Variants in ACSS3 observed in about 807,000 individuals in gnomAD.
ACSS3 encodes the protein acyl-CoA synthetase short-chain family member 3, mitochondrial.
ACSS3 carries 64 observed loss-of-function variants against 84.2 expected under a neutral mutation model. That is an observed-to-expected ratio of 0.76 (90% CI 0.62 to 0.94). The LOEUF (loss-of-function observed/expected upper bound fraction) is 0.94. ACSS3 is among the 40% of genes least tolerant of loss of function. The pLI, the probability that ACSS3 is intolerant of heterozygous loss-of-function variation, is 0.00. For missense variants in ACSS3, 815 were observed against 867.6 expected (o/e 0.94, Z 0.76); for synonymous variants, 317 against 310.1 (o/e 1.02, Z -0.23).
At chr12:81,183,233 G>A (rs937354123) in intron 8 of ACSS3, among the ~76,000 whole-genome samples, 3 of 152,158 alleles carry the variant, frequency 2.0e-5, no homozygotes, top group Non-Finnish European at 4.4e-5. Flanking sequence ...CTTTCTACAA[G>A]CGGCAAACAG....
At chr12:81,082,727 T>C (rs1881064434) in intron 1 of ACSS3, among the ~76,000 whole-genome samples, 1 of 152,202 alleles carries the variant, frequency 6.6e-6, no homozygotes, top group African/African-American at 2.4e-5. Context: ...AAAATGTAAA[T>C]TTCCTATTCC....
In ACSS3 at chr12:81,260,429, A is replaced by C. The variant is rs2035032949; in HGVS notation, c.*5507A>C. On this transcript the variant is annotated 3_prime_UTR_variant, in exon 16 of 16. Coordinates refer to ENST00000548058, the MANE Select transcript of ACSS3 (RefSeq NM_024560.4). ...TGAACATATTAAATAGTCATTTGTA[A>C]ATTAGTGAAGTGTTCATTTCCTGAA... 6.6e-6 allele frequency: 1 copy of C among 152,172 alleles called. No homozygotes were observed. The highest frequency in any genetic ancestry group is 6.5e-5 in the Admixed American group (1 of 15,268). The allele number at this position is 152,172 out of a possible 1,614,324, so 9.4% of individuals were successfully genotyped here. A position where few individuals can be genotyped will look rare whatever the true frequency, so the allele number is the denominator to read the frequency against.
At chr12:81,197,570 G>T (rs1282814634) in intron 8 of ACSS3, among the ~76,000 whole-genome samples, 1 of 152,056 alleles carries the variant, frequency 6.6e-6, no homozygotes, top group Non-Finnish European at 1.5e-5. Context: ...ATACTTGAGT[G>T]ATTTTTAATA....
intron 2 of ACSS3, among the ~76,000 whole-genome samples, chr12:81,122,581 C>T (rs1055413639): frequency 6.6e-6 from 1 of 152,016 alleles, no homozygotes; most frequent in Non-Finnish European, 1.5e-5. Context: ...AGGAATATAA[C>T]CTTATCTAGA....
rs200388083 is a variant in ACSS3 at position 81,174,779 on chromosome 12, T to C, written c.1099-9T>C. The C allele has an allele frequency of 8.8e-4, 1,418 of 1,608,808 alleles. 4 individuals carry two copies. Among genetic ancestry groups the C allele is most frequent in the Non-Finnish European group, 1.1e-3 (1,278 of 1,176,664 alleles). On this transcript the variant is annotated splice_polypyrimidine_tract_variant and intron_variant, in intron 7 of 15. Coordinates refer to ENST00000548058, the MANE Select transcript of ACSS3 (RefSeq NM_024560.4). Reference sequence around the variant, plus strand: ...TATCCAGTGACATTTTAAATGAATCTCATTGTAGGGGAAGCCTGTGGGAAC... The same window carrying C: ...TATCCAGTGACATTTTAAATGAATCCCATTGTAGGGGAAGCCTGTGGGAAC...
chr12:81,213,965 T>C (rs1360442594), intron 9 of ACSS3, among the ~76,000 whole-genome samples: 120 of 19,278 alleles, frequency 6.2e-3, no homozygotes, highest in Middle Eastern at 0.056. Flanking sequence ...CTCTCTTTCT[T>C]TCTTTCTTTC....
At position 81,152,070 on chromosome 12, in the gene ACSS3, C is replaced by T; in HGVS notation, c.1072C>T (p.His358Tyr). The stretch of plus-strand genomic sequence containing the variant: ...CTATATCTGCTATGGACCTCTTCTT[C>T]ATGGGAACACAACAGTTTTATATGA... ...HSYICYGPLL[H>Y]GNTTVLYEGK... Residue 358 changes from histidine (H) to tyrosine (Y), a missense_variant, in exon 7 of 16, where the codon CAT (histidine) becomes TAT (tyrosine). His to Tyr is a moderately conservative substitution (Grantham distance 83). Coordinates refer to ENST00000548058, the MANE Select transcript of ACSS3 (RefSeq NM_024560.4). 1 of 1,612,930 alleles carries T rather than the reference C, an allele frequency of 6.2e-7. No individual in the cohort carries two copies. Among genetic ancestry groups the T allele is most frequent in the Non-Finnish European group, 8.5e-7 (1 of 1,179,546 alleles).
rs557911608 is a variant in ACSS3, at chr12:81,106,539, C to G, written c.312-3021C>G. Among the ~76,000 whole-genome samples, 14 of 152,260 alleles carry G rather than the reference C, an allele frequency of 9.2e-5. No homozygotes were observed. In the East Asian group the frequency reaches 2.7e-3, roughly 29 times the overall value. On this transcript the variant is annotated intron_variant, in intron 1 of 15. Transcript: ENST00000548058. ...CCTGAAACCATACCCTTCCCCCACC[C>G]CAGTTCGGTGAAAACATTGTCTTTC...
At chr12:81,221,540 T>A (rs2033108992) in intron 11 of ACSS3, among the ~76,000 whole-genome samples, 1 of 152,148 alleles carries the variant, frequency 6.6e-6, no homozygotes, top group Non-Finnish European at 1.5e-5. Context: ...AGTTATGATG[T>A]AATTCTTCTC....
chr12:81,198,173 C>G (rs905615842), intron 8 of ACSS3, among the ~76,000 whole-genome samples: 11 of 152,124 alleles, frequency 7.2e-5, no homozygotes, highest in Non-Finnish European at 1.5e-4. Context: ...TTTGCTAACT[C>G]CCCACCTCTG....
chr12:81,241,715 C>T (rs2033810003), intron 13 of ACSS3, among the ~76,000 whole-genome samples: 1 of 151,918 alleles, frequency 6.6e-6, no homozygotes, highest in Non-Finnish European at 1.5e-5. Context: ...TGTTTGAGTT[C>T]ATTGTAGATT....
At chr12:81,229,943 A>G (rs764147962) in intron 11 of ACSS3, among the ~76,000 whole-genome samples, 3 of 151,862 alleles carry the variant, frequency 2.0e-5, no homozygotes, top group Non-Finnish European at 4.4e-5. Context: ...ACAGAATGTG[A>G]GAGTAAAATT....
At chr12:81,228,291 A>C (rs181118984) in intron 11 of ACSS3, among the ~76,000 whole-genome samples, 1 of 151,826 alleles carries the variant, frequency 6.6e-6, no homozygotes, top group Non-Finnish European at 1.5e-5. Flanking sequence ...CATGCACCCC[A>C]TGGTGTGTTA....
chr12:81,111,586 C>T (rs564497241), intron 2 of ACSS3, among the ~76,000 whole-genome samples: 1 of 152,290 alleles, frequency 6.6e-6, no homozygotes, highest in Non-Finnish European at 1.5e-5. Context: ...CTGACATACT[C>T]CTCAGAAATA....
At position 81,150,945 on chromosome 12, in the gene ACSS3, A is replaced by G. The variant is rs551186629; in HGVS notation, c.922-899A>G. Among the ~76,000 whole-genome samples, 11 of 152,310 alleles carry G rather than the reference A, an allele frequency of 7.2e-5. 1 individual carries two copies. The highest frequency in any genetic ancestry group is 2.6e-4 in the African/African-American group (11 of 41,570). On this transcript the variant is annotated intron_variant, in intron 5 of 15. Coordinates refer to ENST00000548058, the MANE Select transcript of ACSS3 (RefSeq NM_024560.4). The stretch of plus-strand genomic sequence containing the variant: ...TAAAAGATGCTTCAAAATACATGTG[A>G]ATGGAATATACCTTCTATCTCTTAG...
chr12:81,250,791 T>C (rs1017514867), intron 13 of ACSS3, among the ~76,000 whole-genome samples: 1 of 152,184 alleles, frequency 6.6e-6, no homozygotes, highest in African/African-American at 2.4e-5. Flanking sequence ...AAAAGAGATG[T>C]TCTTCACTCA....
At chr12:81,105,350 T>A (rs1046336682) in intron 1 of ACSS3, among the ~76,000 whole-genome samples, 1 of 151,918 alleles carries the variant, frequency 6.6e-6, no homozygotes, top group African/African-American at 2.4e-5. Flanking sequence ...ATAATGATAA[T>A]GAAAACTCAG....
chr12:81,091,831 T>A (rs1001022627), intron 1 of ACSS3, among the ~76,000 whole-genome samples: 1 of 152,124 alleles, frequency 6.6e-6, no homozygotes, highest in African/African-American at 2.4e-5. Context: ...TGTTGGTACA[T>A]AATAACAGCA....
intron 11 of ACSS3, among the ~76,000 whole-genome samples, chr12:81,226,572 A>G (rs2033279050): frequency 6.6e-6 from 1 of 151,838 alleles, no homozygotes; most frequent in Non-Finnish European, 1.5e-5. Flanking sequence ...AAACTCAGTA[A>G]CTAAACAAAT....
Sources: gnomAD v4.1 joint callset for allele counts (sites outside exome capture counted in the v4.1 genomes callset) on GRCh38, gnomAD v4.1.1 for gene constraint, MANE v1.5 for transcripts, NCBI Gene and HGNC (gene_info 2026-07-23, HGNC 2026-07-21) for gene names.